Variants in KCNIP4 observed in about 807,000 individuals in gnomAD.
KCNIP4 encodes potassium voltage-gated channel interacting protein 4.
In KCNIP4, 12 loss-of-function variants were observed where a neutral mutation model predicts 34.0. That is an observed-to-expected ratio of 0.35 (90% CI 0.23 to 0.57). KCNIP4 has a LOEUF of 0.57. Ranked by LOEUF, KCNIP4 falls within the 20% of genes least tolerant of loss-of-function variation. The pLI, the probability that KCNIP4 is intolerant of heterozygous loss-of-function variation, is 0.83. For missense variants in KCNIP4, 238 were observed against 311.7 expected, an observed-to-expected ratio of 0.76 and a Z score of 1.78; for synonymous variants, 124 against 102.2, an observed-to-expected ratio of 1.21 and a Z score of -1.29.
At chr4:21,372,236 A>G (rs1468737834) in intron 1 of KCNIP4, among the ~76,000 whole-genome samples, 1 of 147,290 alleles carries the variant, frequency 6.8e-6, no homozygotes, top group Non-Finnish European at 1.5e-5. Context: ...ATGAGAGCAG[A>G]TTGCTACTTA....
chr4:20,813,560 T>C (rs1417259871), intron 3 of KCNIP4, among the ~76,000 whole-genome samples: 1 of 152,182 alleles, frequency 6.6e-6, no homozygotes, highest in Non-Finnish European at 1.5e-5. Flanking sequence ...TAATGTATAA[T>C]TTATTTTACA....
At chr4:21,748,414 C>A (rs1716925216) in intron 1 of KCNIP4, among the ~76,000 whole-genome samples, 1 of 152,086 alleles carries the variant, frequency 6.6e-6, no homozygotes, top group Non-Finnish European at 1.5e-5. Flanking sequence ...AAGGTGTAGA[C>A]AGAAATCCTG....
At chr4:21,221,849 C>A (rs1758003473) in intron 1 of KCNIP4, among the ~76,000 whole-genome samples, 1 of 152,138 alleles carries the variant, frequency 6.6e-6, no homozygotes, top group Non-Finnish European at 1.5e-5. Flanking sequence ...TCTAGGCAGC[C>A]CCATGAATAA....
intron 1 of KCNIP4, among the ~76,000 whole-genome samples, chr4:21,666,913 C>G (rs989818685): frequency 6.6e-6 from 1 of 152,114 alleles, no homozygotes; most frequent in Admixed American, 6.5e-5. Flanking sequence ...TCCCACTGAC[C>G]TGGAGGGAAT....
intron 1 of KCNIP4, among the ~76,000 whole-genome samples, chr4:21,071,937 A>C (rs963248645): frequency 3.3e-5 from 5 of 152,118 alleles, no homozygotes; most frequent in Non-Finnish European, 5.9e-5. Flanking sequence ...ATGATGGTTT[A>C]CAGCTTCATC....
chr4:20,914,698 G>C (rs1728640058), intron 1 of KCNIP4, among the ~76,000 whole-genome samples: 1 of 152,162 alleles, frequency 6.6e-6, no homozygotes, highest in South Asian at 2.1e-4. Context: ...TCTAATTGAA[G>C]TCACTCGTGC....
intron 1 of KCNIP4, among the ~76,000 whole-genome samples, chr4:21,716,944 C>T (rs764531547): frequency 2.6e-5 from 4 of 152,174 alleles, no homozygotes; most frequent in Non-Finnish European, 5.9e-5. Context: ...AGTTCTCATG[C>T]TGGGCCAGTG....
rs112396384 is a variant in KCNIP4 at position 21,053,598 on chromosome 4, T to A, written c.62-170889A>T. Among the ~76,000 whole-genome samples the A allele has an allele frequency of 4.2e-3, 647 of 152,292 alleles. 3 individuals are homozygous for A. The highest frequency in any genetic ancestry group is 0.015 in the African/African-American group (617 of 41,560). The stretch of plus-strand genomic sequence containing the variant: ...TTGTCTTTGTTCTCAGATGACATGG[T>A]CATCTCTGTAGAAAATACGAAAGAA... On this transcript the variant is annotated intron_variant, in intron 1 of 8. Coordinates refer to ENST00000382152, the MANE Select transcript of KCNIP4 (RefSeq NM_025221.6).
chr4:21,391,263 A>G (rs1722532921), intron 1 of KCNIP4, among the ~76,000 whole-genome samples: 1 of 152,176 alleles, frequency 6.6e-6, no homozygotes. Flanking sequence ...GTAAAAAGTA[A>G]TCCTTCAAAA....
intron 1 of KCNIP4, among the ~76,000 whole-genome samples, chr4:20,943,660 A>C (rs889887946): frequency 5.6e-4 from 85 of 152,278 alleles, no homozygotes; most frequent in African/African-American, 1.9e-3. Flanking sequence ...TACAATTAAT[A>C]AACTGCCAAG....
At chr4:21,701,813 C>T (rs1712866940) in intron 1 of KCNIP4, among the ~76,000 whole-genome samples, 1 of 151,960 alleles carries the variant, frequency 6.6e-6, no homozygotes. Flanking sequence ...AAGTGATTCT[C>T]CTGCCTCAGC....
At chr4:21,588,381 C>G (rs185145349) in intron 1 of KCNIP4, among the ~76,000 whole-genome samples, 1 of 151,998 alleles carries the variant, frequency 6.6e-6, no homozygotes, top group Admixed American at 6.6e-5. Flanking sequence ...CCCTGATCTT[C>G]CCTCCTCCCC....
In KCNIP4 at chr4:20,977,069, G is replaced by A. The variant is rs1735563765; in HGVS notation, c.62-94360C>T. Among the ~76,000 whole-genome samples, 2 of 152,122 alleles carry A rather than the reference G, an allele frequency of 1.3e-5. 1 individual carries two copies. Among genetic ancestry groups the A allele is most frequent in the South Asian group, 4.1e-4 (2 of 4,826 alleles). ...GCTGGTCTCAAACTCCTGACCTCAG[G>A]TGATCCACACACCTCGGTCTCCCAA... is the stretch of plus-strand genomic sequence containing the variant. On this transcript the variant is annotated intron_variant, in intron 1 of 8. Coordinates refer to ENST00000382152, the MANE Select transcript of KCNIP4 (RefSeq NM_025221.6).
intron 1 of KCNIP4, among the ~76,000 whole-genome samples, chr4:21,556,924 A>C (rs1265323476): frequency 6.8e-6 from 1 of 146,966 alleles, no homozygotes; most frequent in Admixed American, 6.8e-5. Flanking sequence ...CCATCTCAGA[A>C]AAAAAAAAAA....
chr4:21,227,498 G>A (rs1215366404), intron 1 of KCNIP4, among the ~76,000 whole-genome samples: 1 of 152,048 alleles, frequency 6.6e-6, no homozygotes, highest in African/African-American at 2.4e-5. Flanking sequence ...TTTGAAGCAT[G>A]CAAATGGTCT....
chr4:21,089,508 T>C (rs1181629993), intron 1 of KCNIP4, among the ~76,000 whole-genome samples: 1 of 152,154 alleles, frequency 6.6e-6, no homozygotes, highest in African/African-American at 2.4e-5. Context: ...GAATCTAAGA[T>C]GTCATCAATG....
intron 2 of KCNIP4, among the ~76,000 whole-genome samples, 196 bp downstream of exon 2, chr4:20,882,412 T>TA (rs1357709608): frequency 1.3e-5 from 2 of 152,158 alleles, no homozygotes; most frequent in Non-Finnish European, 2.9e-5. Context: ...ACTAAGACTG[T>TA]GCTGTCAGTC....
intron 1 of KCNIP4, among the ~76,000 whole-genome samples, chr4:21,324,032 C>T (rs998457084): frequency 2.6e-5 from 4 of 151,982 alleles, no homozygotes; most frequent in Non-Finnish European, 5.9e-5. Flanking sequence ...ATCTGTTTGG[C>T]AACTATACCT....
At chr4:21,639,059 A>G (rs1746422425) in intron 1 of KCNIP4, among the ~76,000 whole-genome samples, 1 of 152,210 alleles carries the variant, frequency 6.6e-6, no homozygotes, top group Non-Finnish European at 1.5e-5. Context: ...GTTTTAAAAG[A>G]ATGTGAATAA....
Sources: gnomAD v4.1 joint callset for allele counts (sites outside exome capture counted in the v4.1 genomes callset) on GRCh38, gnomAD v4.1.1 for gene constraint, MANE v1.5 for transcripts, NCBI Gene and HGNC (gene_info 2026-07-23, HGNC 2026-07-21) for gene names.